ZNF85: variants seen among roughly 807,000 people sequenced by gnomAD.
ZNF85 encodes the protein zinc finger protein 85, also known as zinc finger protein 85 (HPF4, HTF1).
ZNF85 carries 50 observed loss-of-function variants against 53.9 expected under a neutral mutation model. The ratio of observed to expected loss-of-function variants is 0.93; its 90% confidence interval spans 0.74 to 1.17. ZNF85 has a LOEUF of 1.17. Among genes scored for constraint, ZNF85 ranks in the 50% most tolerant of loss-of-function variants. ZNF85 has a pLI of 0.00. For synonymous variants in ZNF85, 225 were observed against 226.1 expected (o/e 1.00, Z 0.04); for missense variants, 747 against 688.5 (o/e 1.08, Z -0.95).
intron 3 of ZNF85, among the ~76,000 whole-genome samples, chr19:20,948,283 C>T (rs555092367): frequency 1.3e-5 from 2 of 152,184 alleles, no homozygotes; most frequent in East Asian, 3.9e-4. Flanking sequence ...TCAGCAGACT[C>T]AAACTGCCAT....
chr19:20,947,181 A>G (rs1185026786), intron 3 of ZNF85, among the ~76,000 whole-genome samples: 1 of 151,892 alleles, frequency 6.6e-6, no homozygotes, highest in African/African-American at 2.4e-5. Context: ...AATGAACTTT[A>G]GTTGTATACA....
At chr19:20,940,774 T>C (rs1973277396) in intron 3 of ZNF85, among the ~76,000 whole-genome samples, 1 of 152,236 alleles carries the variant, frequency 6.6e-6, no homozygotes, top group Non-Finnish European at 1.5e-5. Flanking sequence ...ATTTTATTAC[T>C]AGCTTATTTT....
intron 2 of ZNF85, 99 bp from the exon 3 acceptor site, chr19:20,934,850 A>AATTAGT: frequency 3.1e-6 from 2 of 638,970 alleles, no homozygotes; most frequent in Non-Finnish European, 5.0e-6. Flanking sequence ...GTCTGTTATA[A>AATTAGT]ATTAGTATTT....
chr19:20,933,372 GTTT>G (rs112577042), intron 1 of ZNF85, among the ~76,000 whole-genome samples: 1,810 of 143,634 alleles, frequency 0.013, 34 homozygotes, highest in African/African-American at 0.036. Flanking sequence ...TTTTTTCTTA[GTTT>G]TTTTTTTTTG....
intron 1 of ZNF85, among the ~76,000 whole-genome samples, chr19:20,931,281 GTGATTTATAAGCTCATTAAAACT>G (rs1973011659): frequency 6.6e-6 from 1 of 152,178 alleles, no homozygotes; most frequent in South Asian, 2.1e-4. Flanking sequence ...AAATTACCAA[GTGATTTATAAGCTCATTAAAACT>G]TGAGAGGCAA....
At chr19:20,942,856 G>A in intron 3 of ZNF85, 1 of 698,208 alleles carries the variant, frequency 1.4e-6, no homozygotes. Flanking sequence ...GCCCACTGCA[G>A]CCTCAACCTT....
chr19:20,949,195 G>A lies in ZNF85; in HGVS notation c.681G>A (p.Glu227=), dbSNP rs762568106. 5.6e-6 allele frequency: 9 copies of A among 1,613,248 alleles called. No homozygotes were observed. Among genetic ancestry groups the A allele is most frequent in the Non-Finnish European group, 1.7e-6 (2 of 1,179,740 alleles). The change falls in exon 4 of 4, where the codon GAG becomes GAA. Residue 227 remains glutamate, a synonymous_variant. Transcript: ENST00000328178. ...AACATAAGAGAATTCATACGGGAGA[G>A]AAACCTTACAAATGTGAAGAATGTG... The part of the protein sequence containing the change: ...LTKHKRIHTG[E]KPYKCEECGK...
chr19:20,938,597 A>G (rs1314088945), intron 3 of ZNF85, among the ~76,000 whole-genome samples: 1 of 152,106 alleles, frequency 6.6e-6, no homozygotes, highest in Non-Finnish European at 1.5e-5. Context: ...TTCCATTTCA[A>G]ACTTTTCTGT....
intron 3 of ZNF85, among the ~76,000 whole-genome samples, chr19:20,940,360 C>A (rs1033385557): frequency 6.6e-6 from 1 of 152,072 alleles, no homozygotes; most frequent in African/African-American, 2.4e-5. Flanking sequence ...CATATGGAGA[C>A]TCCTTCTCTA....
chr19:20,930,356 C>T (rs962485055), intron 1 of ZNF85, among the ~76,000 whole-genome samples: 1 of 151,018 alleles, frequency 6.6e-6, no homozygotes, highest in African/African-American at 2.4e-5. Context: ...CTGCAAGTCA[C>T]ATAAAATTAA....
chr19:20,948,249 C>G (rs2144674287), intron 3 of ZNF85, among the ~76,000 whole-genome samples: 1 of 152,200 alleles, frequency 6.6e-6, no homozygotes, highest in South Asian at 2.1e-4. Context: ...AGTCTCTTTG[C>G]TGCTGTAGCA....
intron 1 of ZNF85, chr19:20,926,961 C>G (rs891350874): frequency 6.6e-6 from 1 of 151,548 alleles, no homozygotes; most frequent in South Asian, 2.1e-4. Context: ...TAGGGAGGAG[C>G]ATAAAAGATT....
At chr19:20,932,428 T>C (rs955227734) in intron 1 of ZNF85, among the ~76,000 whole-genome samples, 7 of 152,226 alleles carry the variant, frequency 4.6e-5, no homozygotes, top group Admixed American at 3.3e-4. Context: ...ATTCTTTACA[T>C]TGTGGCTTTT....
intron 3 of ZNF85, 54 bp downstream of exon 3, chr19:20,935,101 CA>C: frequency 8.2e-7 from 1 of 1,223,094 alleles, no homozygotes; most frequent in Non-Finnish European, 1.2e-6. Context: ...GTCCAAAGGC[CA>C]AAGAGAAAGC....
intron 3 of ZNF85, among the ~76,000 whole-genome samples, chr19:20,947,709 G>A (rs12611073): frequency 0.37 from 56,450 of 150,546 alleles, 11,271 homozygotes; most frequent in East Asian, 0.45. Flanking sequence ...ATATCTTTGT[G>A]TGTATTCTAG....
chr19:20,923,774 T>C (rs563775731), intron 1 of ZNF85, among the ~76,000 whole-genome samples: 1 of 152,216 alleles, frequency 6.6e-6, no homozygotes, highest in East Asian at 1.9e-4. Context: ...CCAGTTCCTC[T>C]TTTTTTCTGT....
intron 1 of ZNF85, among the ~76,000 whole-genome samples, chr19:20,933,392 T>G (rs1973074655): frequency 6.6e-6 from 1 of 151,612 alleles, no homozygotes; most frequent in Admixed American, 6.6e-5. Context: ...TTTGCATACA[T>G]CTGTCTTTGG....
intron 3 of ZNF85, among the ~76,000 whole-genome samples, chr19:20,942,457 C>T (rs1367879337): frequency 6.6e-6 from 1 of 152,024 alleles, no homozygotes; most frequent in Non-Finnish European, 1.5e-5. Context: ...GTTTTTAAAT[C>T]AGGAAGTATA....
At chr19:20,940,364 T>C (rs926109180) in intron 3 of ZNF85, among the ~76,000 whole-genome samples, 1 of 152,070 alleles carries the variant, frequency 6.6e-6, no homozygotes, top group African/African-American at 2.4e-5. Context: ...TGGAGACTCC[T>C]TCTCTACAAA....
Sources: gnomAD v4.1 joint callset for allele counts (sites outside exome capture counted in the v4.1 genomes callset) on GRCh38, gnomAD v4.1.1 for gene constraint, MANE v1.5 for transcripts, NCBI Gene and HGNC (gene_info 2026-07-23, HGNC 2026-07-21) for gene names.